DPP10: variants seen among roughly 807,000 people sequenced by gnomAD.
DPP10 encodes the protein dipeptidyl peptidase like 10, also known as inactive dipeptidyl peptidase 10.
DPP10 carries 33 observed loss-of-function variants against 120.9 expected under a neutral mutation model. The ratio of observed to expected loss-of-function variants is 0.27; its 90% CI spans 0.21 to 0.37. The LOEUF (loss-of-function observed/expected upper bound fraction) is 0.37. DPP10 is among the 10% of genes least tolerant of loss of function. DPP10 has a pLI of 1.00. For missense variants in DPP10, 816 were observed against 942.8 expected, an observed-to-expected ratio of 0.87 and a Z score of 1.76; for synonymous variants, 337 against 326.1, an observed-to-expected ratio of 1.03 and a Z score of -0.36.
At chr2:115,663,921 G>A (rs1414524747) in intron 5 of DPP10, among the ~76,000 whole-genome samples, 4 of 151,864 alleles carry the variant, frequency 2.6e-5, no homozygotes, top group African/African-American at 9.7e-5. Flanking sequence ...CTTGAACCCG[G>A]GAGGCAGAGG....
intron 1 of DPP10, among the ~76,000 whole-genome samples, chr2:114,991,612 GAAGA>G (rs1700759792): frequency 6.6e-6 from 1 of 152,158 alleles, no homozygotes; most frequent in African/African-American, 2.4e-5. Flanking sequence ...AGCATTAGAA[GAAGA>G]AAGAGAGATA....
intron 1 of DPP10, among the ~76,000 whole-genome samples, chr2:114,644,588 G>A (rs1185983019): frequency 1.3e-5 from 2 of 151,742 alleles, no homozygotes; most frequent in Non-Finnish European, 2.9e-5. Flanking sequence ...GCAGGGCCCT[G>A]GAATCACCAT....
At chr2:115,521,135 C>T (rs2077780331) in intron 4 of DPP10, among the ~76,000 whole-genome samples, 1 of 151,988 alleles carries the variant, frequency 6.6e-6, no homozygotes, top group African/African-American at 2.4e-5. Context: ...GGTGGTATAG[C>T]AAGTAGAGAA....
At position 114,461,470 on chromosome 2, in the gene DPP10, C is replaced by T. The variant is rs114948603; in HGVS notation, c.60+18632C>T. On this transcript the variant is annotated intron_variant, in intron 1 of 25. Coordinates refer to ENST00000410059, the MANE Select transcript of DPP10 (RefSeq NM_020868.6). ...TTGCGGTCTTTCAAGGTTGCCTTTA[C>T]TTAGGATTTGATTACCTGTCTCCCT... is the stretch of plus-strand genomic sequence containing the variant. 790 of 628,474 alleles carry T rather than the reference C, an allele frequency of 1.3e-3. 7 individuals carry two copies. The African/African-American group carries it at 0.015, about 12-fold the overall frequency. The allele number at this position is 628,474 out of a possible 1,614,324, so 38.9% of individuals were successfully genotyped here.
At chr2:114,820,763 G>A (rs1364432538) in intron 1 of DPP10, among the ~76,000 whole-genome samples, 1 of 152,162 alleles carries the variant, frequency 6.6e-6, no homozygotes, top group Admixed American at 6.5e-5. Flanking sequence ...CCTCCCATGA[G>A]TTCCCTTCGA....
chr2:115,841,520 T>C (rs540298608), intron 25 of DPP10, among the ~76,000 whole-genome samples: 35 of 152,262 alleles, frequency 2.3e-4, no homozygotes, highest in African/African-American at 7.2e-4. Flanking sequence ...TCAACCTGTC[T>C]AAAACACAAA....
At chr2:115,560,082 A>G (rs1037269354) in intron 5 of DPP10, among the ~76,000 whole-genome samples, 24 of 151,862 alleles carry the variant, frequency 1.6e-4, no homozygotes, top group African/African-American at 5.6e-4. Context: ...AACTGCTGTC[A>G]AAGAGCCCAC....
intron 13 of DPP10, among the ~76,000 whole-genome samples, chr2:115,776,674 C>T (rs1682136612): frequency 6.6e-6 from 1 of 152,012 alleles, no homozygotes; most frequent in Admixed American, 6.6e-5. Flanking sequence ...CTGTTTTTTA[C>T]ATATTAAAAT....
chr2:114,758,032 T>C (rs1429849377), intron 1 of DPP10, among the ~76,000 whole-genome samples: 1 of 152,162 alleles, frequency 6.6e-6, no homozygotes, highest in Non-Finnish European at 1.5e-5. Context: ...TTATACACAG[T>C]CTCAGTGTTG....
rs992128745 is a variant in DPP10 at position 115,699,069 on chromosome 2, C to G, written c.576+9148C>G. 4.3e-5 allele frequency among the ~76,000 whole-genome samples: 5 copies of G among 116,448 alleles called. No individual in the cohort carries two copies. The East Asian group carries it at 8.0e-4, about 19-fold the overall frequency. 76.4% of individuals were successfully genotyped at this position (116,448 alleles called of 152,430 possible). A position where few individuals can be genotyped will look rare whatever the true frequency, so the allele number is the denominator to read the frequency against. ...AAAAAACAAGAGAAGACTCAAATTCCTAAAATCAGATTGAAAGTGGGGATA... is the reference window on the plus strand; with the variant it reads ...AAAAAACAAGAGAAGACTCAAATTCGTAAAATCAGATTGAAAGTGGGGATA... On this transcript the variant is annotated intron_variant, in intron 7 of 25. Transcript: ENST00000410059.
intron 3 of DPP10, among the ~76,000 whole-genome samples, chr2:115,387,230 A>G (rs2067007478): frequency 6.6e-6 from 1 of 152,084 alleles, no homozygotes. Context: ...AGAAGGCTCC[A>G]ATGGAGATGG....
chr2:115,161,872 C>A, intron 1 of DPP10: 2 of 1,332,100 alleles, frequency 1.5e-6, no homozygotes, highest in South Asian at 3.3e-5. Flanking sequence ...GCGACGGGCG[C>A]CCGTGACCTG....
At chr2:115,703,362 T>A (rs1295094354) in intron 7 of DPP10, among the ~76,000 whole-genome samples, 1 of 152,008 alleles carries the variant, frequency 6.6e-6, no homozygotes, top group Non-Finnish European at 1.5e-5. Context: ...GTTAAAATTC[T>A]CCAGAAAAAC....
At chr2:114,588,209 G>C (rs887580163) in intron 1 of DPP10, among the ~76,000 whole-genome samples, 5 of 152,174 alleles carry the variant, frequency 3.3e-5, no homozygotes, top group Non-Finnish European at 7.3e-5. Context: ...AAAATAATTG[G>C]AGAGAATGAC....
chr2:115,641,414 C>T (rs576245888), intron 5 of DPP10, among the ~76,000 whole-genome samples: 2 of 152,212 alleles, frequency 1.3e-5, no homozygotes, highest in South Asian at 4.2e-4. Flanking sequence ...CTTTCTAGTC[C>T]CCAAATGTGC....
At chr2:114,710,503 G>T (rs2105861223) in intron 1 of DPP10, among the ~76,000 whole-genome samples, 1 of 152,312 alleles carries the variant, frequency 6.6e-6, no homozygotes, top group East Asian at 1.9e-4. Flanking sequence ...CCAGCAATCT[G>T]GGAGGCCAAG....
At chr2:115,737,762 A>G (rs1484693843) in intron 8 of DPP10, among the ~76,000 whole-genome samples, 1 of 152,174 alleles carries the variant, frequency 6.6e-6, no homozygotes, top group African/African-American at 2.4e-5. Context: ...AAAGAATTCA[A>G]TTCCTCTTTA....
intron 1 of DPP10, among the ~76,000 whole-genome samples, chr2:114,993,708 C>T (rs77995149): frequency 0.024 from 3,652 of 151,372 alleles, 118 homozygotes; most frequent in African/African-American, 0.083. Context: ...GCAAATACTT[C>T]ATTTTCTGTG....
chr2:114,605,571 T>G (rs546062951), intron 1 of DPP10, among the ~76,000 whole-genome samples: 2 of 152,146 alleles, frequency 1.3e-5, no homozygotes, highest in Non-Finnish European at 2.9e-5. Flanking sequence ...TGATAAGCTT[T>G]CCAGTCAGGG....
Sources: allele counts gnomAD v4.1 joint callset (sites outside exome capture counted in the v4.1 genomes callset), GRCh38; gene constraint gnomAD v4.1.1; transcripts MANE v1.5; gene names NCBI Gene and HGNC (gene_info 2026-07-23, HGNC 2026-07-21).